Variants in GABRG3 observed in about 807,000 individuals in gnomAD.
GABRG3 encodes the protein gamma-aminobutyric acid type A receptor subunit gamma3.
A neutral mutation model predicts 48.8 loss-of-function variants in GABRG3; 25 were observed. The observed-to-expected ratio is 0.51, with a 90% CI of 0.37 to 0.72. GABRG3 has a LOEUF of 0.72. GABRG3 is among the 30% of genes least tolerant of loss of function. GABRG3 has a pLI of 0.00. For missense variants in GABRG3, 394 were observed against 577.9 expected, an observed-to-expected ratio of 0.68 and a Z score of 3.26; for synonymous variants, 227 against 217.6, an observed-to-expected ratio of 1.04 and a Z score of -0.38.
chr15:27,262,922 A>G (rs1566984792), intron 3 of GABRG3, among the ~76,000 whole-genome samples: 1 of 152,204 alleles, frequency 6.6e-6, no homozygotes, highest in Non-Finnish European at 1.5e-5. Flanking sequence ...TCTGCAAGAG[A>G]GAAACACATA....
At chr15:27,193,386 C>T (rs1214054073) in intron 3 of GABRG3, among the ~76,000 whole-genome samples, 2 of 152,048 alleles carry the variant, frequency 1.3e-5, no homozygotes, top group Non-Finnish European at 2.9e-5. Flanking sequence ...TTCTAGCTTC[C>T]CGGCTGCTTT....
intron 3 of GABRG3, among the ~76,000 whole-genome samples, chr15:27,079,598 G>A (rs975926152): frequency 6.6e-6 from 1 of 152,104 alleles, no homozygotes; most frequent in African/African-American, 2.4e-5. Flanking sequence ...AATGGAAGTG[G>A]AGCCGTTTCA....
chr15:27,305,603 A>G lies in GABRG3; in HGVS notation c.271-21206A>G, dbSNP rs866788795. Among the ~76,000 whole-genome samples, 109 of 142,252 alleles carry G rather than the reference A, an allele frequency of 7.7e-4. 1 individual carries two copies. Among genetic ancestry groups the G allele is most frequent in the East Asian group, 6.5e-3 (32 of 4,954 alleles). The allele number at this position is 142,252 out of a possible 152,430, so 93.3% of individuals were successfully genotyped here. ...AAACATATATATAATATAAACCTAC[A>G]TGTTTATATATAAACATATATATAA... On this transcript the variant is annotated intron_variant, in intron 3 of 9. Coordinates refer to ENST00000615808, the MANE Select transcript of GABRG3 (RefSeq NM_033223.5).
chr15:26,987,107 A>G (rs1319288431), intron 2 of GABRG3, among the ~76,000 whole-genome samples: 5 of 152,214 alleles, frequency 3.3e-5, no homozygotes, highest in Non-Finnish European at 7.3e-5. Flanking sequence ...AATACAAAAA[A>G]ATTAGCTGGG....
At chr15:27,321,326 G>C (rs1185523480) in intron 3 of GABRG3, among the ~76,000 whole-genome samples, 1 of 152,226 alleles carries the variant, frequency 6.6e-6, no homozygotes, top group East Asian at 1.9e-4. Context: ...AAGCTGGGAA[G>C]AATGCTCAAC....
rs1202450691 is a variant in GABRG3, at chr15:27,120,415, T to C, written c.270+93594T>C. Among the ~76,000 whole-genome samples the C allele has an allele frequency of 2.6e-5, 4 of 152,234 alleles. No homozygotes were observed. In the East Asian group the frequency reaches 7.7e-4, roughly 29 times the overall value. ...GTGACATTTGTGTTTTTATAACTCC[T>C]GGTCTATGTGTGATGTTACTTCTTT... is the stretch of plus-strand genomic sequence containing the variant. On this transcript the variant is annotated intron_variant, in intron 3 of 9. Transcript: ENST00000615808.
chr15:27,188,165 G>C (rs1454573721), intron 3 of GABRG3, among the ~76,000 whole-genome samples: 5 of 152,108 alleles, frequency 3.3e-5, no homozygotes, highest in African/African-American at 4.8e-5. Context: ...CTTTGCTTTT[G>C]TGAATAGTGC....
intron 5 of GABRG3, among the ~76,000 whole-genome samples, chr15:27,456,500 C>G (rs72707644): frequency 0.015 from 2,224 of 152,298 alleles, 40 homozygotes; most frequent in South Asian, 0.086. Flanking sequence ...CGCAGAGGGA[C>G]TGTGATGCAT....
chr15:27,356,316 A>G (rs546627123), intron 5 of GABRG3, among the ~76,000 whole-genome samples: 16 of 152,264 alleles, frequency 1.1e-4, no homozygotes, highest in African/African-American at 3.6e-4. Flanking sequence ...ACCTCTCACA[A>G]CTCTGTGATT....
chr15:27,209,943 A>G (rs1889019060), intron 3 of GABRG3, among the ~76,000 whole-genome samples: 2 of 152,024 alleles, frequency 1.3e-5, no homozygotes, highest in Admixed American at 1.3e-4. Context: ...GTGTGTCCCG[A>G]TCTCCTTCTC....
At chr15:27,466,796 C>G (rs1263083789) in intron 5 of GABRG3, among the ~76,000 whole-genome samples, 3 of 152,204 alleles carry the variant, frequency 2.0e-5, no homozygotes, top group Non-Finnish European at 4.4e-5. Context: ...GCGACTGCTG[C>G]TCTCCAAGCC....
At chr15:27,497,192 C>T (rs1305625048) in intron 6 of GABRG3, among the ~76,000 whole-genome samples, 2 of 152,170 alleles carry the variant, frequency 1.3e-5, no homozygotes, top group Non-Finnish European at 2.9e-5. Context: ...TTTTAAAATT[C>T]TGTTTTCCAA....
chr15:26,985,822 C>T (rs537234116), intron 2 of GABRG3, among the ~76,000 whole-genome samples: 21 of 152,168 alleles, frequency 1.4e-4, no homozygotes, highest in Non-Finnish European at 2.6e-4. Flanking sequence ...ATAATGAAGG[C>T]ATACAATAGT....
At chr15:26,985,017 G>A (rs1462684016) in intron 2 of GABRG3, among the ~76,000 whole-genome samples, 1 of 152,218 alleles carries the variant, frequency 6.6e-6, no homozygotes, top group Non-Finnish European at 1.5e-5. Flanking sequence ...CTGAACTTCT[G>A]TTCCAGGCTT....
At chr15:27,241,002 C>T (rs1294501150) in intron 3 of GABRG3, among the ~76,000 whole-genome samples, 1 of 152,214 alleles carries the variant, frequency 6.6e-6, no homozygotes, top group Non-Finnish European at 1.5e-5. Flanking sequence ...CCTACCATCT[C>T]CATCAACCCA....
intron 6 of GABRG3, among the ~76,000 whole-genome samples, chr15:27,506,875 A>AT (rs112403537): frequency 7.8e-4 from 116 of 149,580 alleles, no homozygotes; most frequent in Non-Finnish European, 2.2e-4. Flanking sequence ...TAAAGTGACT[A>AT]TTTTTTTTCT....
intron 3 of GABRG3, among the ~76,000 whole-genome samples, chr15:27,107,953 A>G (rs1352092703): frequency 1.4e-5 from 2 of 147,358 alleles, no homozygotes; most frequent in Non-Finnish European, 3.0e-5. Context: ...TGTCTTCTTC[A>G]TTTTTTTTTC....
At chr15:27,170,806 G>A (rs1416300972) in intron 3 of GABRG3, among the ~76,000 whole-genome samples, 2 of 152,156 alleles carry the variant, frequency 1.3e-5, no homozygotes, top group African/African-American at 4.8e-5. Context: ...TATTTTCGTA[G>A]CACTTTTCCT....
intron 5 of GABRG3, among the ~76,000 whole-genome samples, chr15:27,349,024 T>C (rs764588194): frequency 3.3e-5 from 5 of 152,150 alleles, no homozygotes; most frequent in Non-Finnish European, 4.4e-5. Flanking sequence ...TGTCAGATGG[T>C]TGTTATTAAT....
Sources: allele counts gnomAD v4.1 joint callset (sites outside exome capture counted in the v4.1 genomes callset), GRCh38; gene constraint gnomAD v4.1.1; transcripts MANE v1.5; gene names NCBI Gene and HGNC (gene_info 2026-07-23, HGNC 2026-07-21).